Variants in NRXN3 observed in about 807,000 individuals in gnomAD.
The protein encoded by NRXN3 is neurexin 3, also known as neurexin III.
Under a neutral mutation model 137.6 loss-of-function variants are expected in NRXN3, and 32 were observed. That is an observed-to-expected ratio of 0.23 (90% CI 0.18 to 0.31). The LOEUF (loss-of-function observed/expected upper bound fraction) is 0.31, where lower values mean the gene tolerates loss of function less well. Among genes scored for constraint, NRXN3 ranks in the 10% least tolerant of loss-of-function variants. NRXN3 has a pLI of 1.00. For synonymous variants in NRXN3, 798 were observed against 784.5 expected, an observed-to-expected ratio of 1.02 and a Z score of -0.29; for missense variants, 1,574 against 2,062.5, an observed-to-expected ratio of 0.76 and a Z score of 4.59.
intron 4 of NRXN3, among the ~76,000 whole-genome samples, chr14:78,626,194 C>G (rs2097456371): frequency 6.6e-6 from 1 of 152,240 alleles, no homozygotes; most frequent in South Asian, 2.1e-4. Flanking sequence ...TGACCCTTCT[C>G]AGATTCACTT....
At chr14:79,494,145 T>G (rs1034218406) in intron 16 of NRXN3, among the ~76,000 whole-genome samples, 1 of 152,224 alleles carries the variant, frequency 6.6e-6, no homozygotes, top group Non-Finnish European at 1.5e-5. Context: ...GAAATTTGAC[T>G]ATATTTGAGC....
chr14:78,963,750 T>C (rs1401274183), intron 11 of NRXN3, among the ~76,000 whole-genome samples: 1 of 152,194 alleles, frequency 6.6e-6, no homozygotes, highest in Admixed American at 6.5e-5. Context: ...GCTCATAACA[T>C]GTAAATCTAA....
intron 15 of NRXN3, among the ~76,000 whole-genome samples, chr14:79,205,789 G>A (rs757912481): frequency 6.6e-6 from 1 of 152,194 alleles, no homozygotes; most frequent in Non-Finnish European, 1.5e-5. Context: ...TAAGCATGCA[G>A]AGGGATATAT....
intron 15 of NRXN3, among the ~76,000 whole-genome samples, chr14:79,224,173 A>T (rs75809640): frequency 0.028 from 4,195 of 152,146 alleles, 141 homozygotes; most frequent in South Asian, 0.086. Flanking sequence ...TTTTTTTCCT[A>T]TGGTGATTGT....
intron 15 of NRXN3, among the ~76,000 whole-genome samples, chr14:79,157,087 G>T (rs1409200036): frequency 6.6e-6 from 1 of 151,770 alleles, no homozygotes; most frequent in South Asian, 2.1e-4. Flanking sequence ...ATCTGCCATT[G>T]TTGCTGGTGG....
rs147783725 is a variant in NRXN3 at position 79,175,379 on chromosome 14, T to G, written c.3262+187238T>G. 1.7e-3 allele frequency among the ~76,000 whole-genome samples: 258 copies of G among 152,286 alleles called. 2 individuals are homozygous for G. The highest frequency in any genetic ancestry group is 5.8e-3 in the African/African-American group (243 of 41,564). On this transcript the variant is annotated intron_variant, in intron 15 of 20. Transcript: ENST00000335750. ...GGGATAAAGAACAGAAGATTGAGAA[T>G]TTTTTTGGAGCTGTTCCTGATTAGA...
chr14:79,141,151 G>A (rs1168478048), intron 15 of NRXN3, among the ~76,000 whole-genome samples: 1 of 152,072 alleles, frequency 6.6e-6, no homozygotes, highest in African/African-American at 2.4e-5. Context: ...TGAGTGTGTT[G>A]GGCGTAGTAA....
chr14:78,357,270 C>T (rs1370968838), intron 4 of NRXN3, among the ~76,000 whole-genome samples: 2 of 152,086 alleles, frequency 1.3e-5, no homozygotes, highest in Non-Finnish European at 2.9e-5. Flanking sequence ...AGAACTTGTG[C>T]GGGCAAACTC....
chr14:79,815,939 TTA>T (rs984876076), intron 20 of NRXN3, among the ~76,000 whole-genome samples: 22 of 152,244 alleles, frequency 1.4e-4, no homozygotes, highest in Admixed American at 5.9e-4. Flanking sequence ...ACTTGTAACT[TTA>T]TATATATATT....
chr14:78,504,799 G>A (rs1409258141), intron 4 of NRXN3, among the ~76,000 whole-genome samples: 2 of 152,072 alleles, frequency 1.3e-5, no homozygotes, highest in Non-Finnish European at 2.9e-5. Flanking sequence ...AACGTATACT[G>A]TGTGAAATAG....
At chr14:78,810,374 C>CA in intron 10 of NRXN3, 30 bp downstream of exon 10, 11 of 871,270 alleles carry the variant, frequency 1.3e-5, no homozygotes, top group South Asian at 2.4e-5. Flanking sequence ...TCATTTTGTT[C>CA]TTTAAAAAAA....
At chr14:79,347,114 C>G (rs1269085647) in intron 15 of NRXN3, among the ~76,000 whole-genome samples, 1 of 152,080 alleles carries the variant, frequency 6.6e-6, no homozygotes, top group African/African-American at 2.4e-5. Context: ...CGTGGCCATG[C>G]TTGTCCCCCC....
chr14:79,122,498 G>A (rs974654559), intron 15 of NRXN3, among the ~76,000 whole-genome samples: 1 of 152,124 alleles, frequency 6.6e-6, no homozygotes, highest in African/African-American at 2.4e-5. Context: ...TACTACATGG[G>A]ATACATAAGT....
intron 4 of NRXN3, among the ~76,000 whole-genome samples, chr14:78,544,416 T>C (rs1179183921): frequency 6.6e-6 from 1 of 152,190 alleles, no homozygotes; most frequent in East Asian, 1.9e-4. Flanking sequence ...ACCATGGACA[T>C]CAAAGTGAAC....
intron 15 of NRXN3, among the ~76,000 whole-genome samples, chr14:79,027,419 G>A (rs965349107): frequency 6.6e-6 from 1 of 152,078 alleles, no homozygotes; most frequent in Non-Finnish European, 1.5e-5. Flanking sequence ...AAGCAAAATA[G>A]AAAAGGGAAC....
intron 4 of NRXN3, among the ~76,000 whole-genome samples, chr14:78,418,184 G>A (rs1264884033): frequency 3.3e-5 from 5 of 152,154 alleles, no homozygotes; most frequent in African/African-American, 9.7e-5. Context: ...ACTGGGGAAT[G>A]TTTTACTAGT....
chr14:79,508,189 A>G (rs1376690850), intron 16 of NRXN3, among the ~76,000 whole-genome samples: 2 of 151,984 alleles, frequency 1.3e-5, no homozygotes, highest in Admixed American at 6.6e-5. Flanking sequence ...ATGGCTGCCA[A>G]CGGGAGTTAG....
chr14:78,496,330 G>GA (rs2095785004), intron 4 of NRXN3, among the ~76,000 whole-genome samples: 1 of 151,962 alleles, frequency 6.6e-6, no homozygotes, highest in Admixed American at 6.6e-5. Context: ...TTGTAGATTT[G>GA]AAAAAAATGT....
chr14:78,870,668 C>G (rs188384757), intron 10 of NRXN3, among the ~76,000 whole-genome samples: 47 of 152,030 alleles, frequency 3.1e-4, no homozygotes, highest in African/African-American at 1.1e-3. Flanking sequence ...AACAATCCCC[C>G]TTTTTATGTT....
Sources: allele counts gnomAD v4.1 joint callset (sites outside exome capture counted in the v4.1 genomes callset), GRCh38; gene constraint gnomAD v4.1.1; transcripts MANE v1.5; gene names NCBI Gene and HGNC (gene_info 2026-07-23, HGNC 2026-07-21).